The following AGAP5 variants were observed in gnomAD, a reference collection of about 807,000 sequenced individuals.
The protein encoded by AGAP5 is arf-GAP with GTPase, ANK repeat and PH domain-containing protein 5.
In AGAP5, 8 loss-of-function variants were observed where a neutral mutation model predicts 27.7. The observed-to-expected ratio is 0.29, with a 90% CI of 0.17 to 0.52. AGAP5 has a LOEUF of 0.52. Among genes scored for constraint, AGAP5 ranks in the 20% least tolerant of loss-of-function variants. The pLI is 0.97. For synonymous variants in AGAP5, 111 were observed against 338.0 expected, an observed-to-expected ratio of 0.33 and a Z score of 7.37; for missense variants, 285 against 880.8, an observed-to-expected ratio of 0.32 and a Z score of 8.56.
intron 2 of AGAP5, 96 bp from the exon 3 acceptor site, chr10:73,694,900 A>G (rs1212090618): frequency 4.1e-5 from 66 of 1,592,202 alleles, no homozygotes; most frequent in Middle Eastern, 4.5e-4. Flanking sequence ...CTATTTCACT[A>G]TCTCTACTTT....
intron 6 of AGAP5, among the ~76,000 whole-genome samples, chr10:73,679,597 G>GT (rs1313158042): frequency 1.8e-4 from 27 of 150,920 alleles, no homozygotes; most frequent in African/African-American, 5.1e-4. Flanking sequence ...TTGTAGAAAA[G>GT]TTTTTTTTCA....
intron 3 of AGAP5, among the ~76,000 whole-genome samples, chr10:73,693,370 G>A (rs548883031): frequency 6.6e-6 from 1 of 152,236 alleles, no homozygotes; most frequent in South Asian, 2.1e-4. Flanking sequence ...CATCCCCATG[G>A]TAAAAAGCAA....
At chr10:73,689,108 T>C (rs2132453698) in intron 4 of AGAP5, among the ~76,000 whole-genome samples, 1 of 152,344 alleles carries the variant, frequency 6.6e-6, no homozygotes, top group Middle Eastern at 3.4e-3. Context: ...TGCTTCAGCC[T>C]GCCGAGTGCC....
At chr10:73,695,676 T>C (rs1200842805) in intron 2 of AGAP5, among the ~76,000 whole-genome samples, 1 of 152,206 alleles carries the variant, frequency 6.6e-6, no homozygotes, top group Non-Finnish European at 1.5e-5. Flanking sequence ...GTCACACTCA[T>C]AATGAGTCTT....
intron 2 of AGAP5, among the ~76,000 whole-genome samples, chr10:73,696,237 C>T (rs1204985858): frequency 2.6e-5 from 4 of 151,886 alleles, no homozygotes; most frequent in African/African-American, 4.8e-5. Context: ...AGGCTGGTCT[C>T]GAACTCCTGA....
rs199522271 is a variant in AGAP5 at position 73,696,371 on chromosome 10, G to A, written c.292+724C>T. On this transcript the variant is annotated intron_variant, in intron 2 of 7. Coordinates refer to ENST00000374094, the MANE Select transcript of AGAP5 (RefSeq NM_001144000.4). ...AGATGCTATTGTCAGGAGGGGAAGG[G>A]ACAAAGGGGGAGCCACGGCAACAAA... Among the ~76,000 whole-genome samples, 635 of 152,254 alleles carry A rather than the reference G, an allele frequency of 4.2e-3. 15 individuals carry two copies. The East Asian group carries it at 0.048, about 12-fold the overall frequency.
intron 4 of AGAP5, among the ~76,000 whole-genome samples, chr10:73,687,164 G>A (rs934390482): frequency 2.6e-5 from 4 of 152,138 alleles, no homozygotes; most frequent in Non-Finnish European, 5.9e-5. Context: ...ATTTTTCTCA[G>A]CAAACATAAA....
rs1201091622 is a variant in AGAP5, at chr10:73,675,866, T to C, written c.794A>G (p.Glu265Gly). ...TSEKGSHPDKERKAPENHADT... is the reference protein window; with the variant it reads ...TSEKGSHPDKGRKAPENHADT... ...AGCATGATTCTCCGGGGCTTTCCTC[T>C]CTTTGTCTGGGTGACTCCCTTTCTC... Residue 265 changes from glutamate (E) to glycine (G), a missense_variant, in exon 8 of 8, where the codon GAG becomes GGG. Coordinates refer to ENST00000374094, the MANE Select transcript of AGAP5 (RefSeq NM_001144000.4). The C allele has an allele frequency of 6.2e-7, 1 of 1,613,934 alleles. No individual in the cohort carries two copies. The highest frequency in any genetic ancestry group is 1.7e-5 in the Admixed American group (1 of 59,990).
chr10:73,697,901 C>A lies in AGAP5; in HGVS notation c.-146G>T. On this transcript the variant is annotated 5_prime_UTR_variant, in exon 1 of 8. Coordinates refer to ENST00000374094, the MANE Select transcript of AGAP5 (RefSeq NM_001144000.4). ...GCCCACCTCACAGCGCGGCCCCGGGCACCATCCCTGGCCCCGGCCCCGGCC... is the reference window on the plus strand; with the variant it reads ...GCCCACCTCACAGCGCGGCCCCGGGAACCATCCCTGGCCCCGGCCCCGGCC... 1 of 1,535,638 alleles carries A rather than the reference C, an allele frequency of 6.5e-7. No individual in the cohort carries two copies. The highest frequency in any genetic ancestry group is 1.2e-5 in the South Asian group (1 of 84,448).
At chr10:73,686,895 T>C (rs1315862775) in intron 4 of AGAP5, among the ~76,000 whole-genome samples, 1 of 152,182 alleles carries the variant, frequency 6.6e-6, no homozygotes, top group Non-Finnish European at 1.5e-5. Context: ...CCAAATATCA[T>C]GTTCTCTTTC....
intron 4 of AGAP5, among the ~76,000 whole-genome samples, chr10:73,685,480 C>A (rs567008639): frequency 1.3e-3 from 193 of 151,790 alleles, no homozygotes; most frequent in African/African-American, 4.5e-3. Flanking sequence ...TGGTGTATCA[C>A]ATTTATTGAC....
intron 4 of AGAP5, among the ~76,000 whole-genome samples, chr10:73,691,417 T>C (rs1297216675): frequency 6.6e-6 from 1 of 152,076 alleles, no homozygotes; most frequent in East Asian, 1.9e-4. Flanking sequence ...AGAAAGTCAA[T>C]AGACAGTGCT....
Position 73,675,740 on chromosome 10 carries a change from AG to A in AGAP5, c.919del (p.Leu307CysfsTer13), listed in dbSNP as rs1262147401. The A allele has an allele frequency of 6.2e-7, 1 of 1,611,370 alleles. No individual in the cohort carries two copies. The highest frequency in any genetic ancestry group is 8.5e-7 in the Non-Finnish European group (1 of 1,179,140). On this transcript the variant is annotated frameshift_variant, in exon 8 of 8. Coordinates refer to ENST00000374094, the MANE Select transcript of AGAP5 (RefSeq NM_001144000.4). LOFTEE classifies it low-confidence loss of function (END_TRUNC). ...LKTWKKKYVT[L>X]CSNGVLTYYS... is the part of the protein sequence containing the mutation. ...ATAGGTGAGCACGCCATTGGAACAC[AG>A]GGTGACGTATTTCTTTTTCCATGTC...
intron 4 of AGAP5, among the ~76,000 whole-genome samples, chr10:73,687,952 A>C (rs2082079261): frequency 6.6e-6 from 1 of 152,208 alleles, no homozygotes; most frequent in Non-Finnish European, 1.5e-5. Flanking sequence ...TGTCTTGCAG[A>C]ACTAAAGGCA....
At chr10:73,685,754 T>C (rs188180051) in intron 4 of AGAP5, among the ~76,000 whole-genome samples, 4 of 152,120 alleles carry the variant, frequency 2.6e-5, no homozygotes, top group African/African-American at 9.7e-5. Flanking sequence ...GGTTTCACCA[T>C]GTTGGCCTGG....
chr10:73,681,420 G>A (rs1360594058), intron 5 of AGAP5: 1 of 985,328 alleles, frequency 1.0e-6, no homozygotes, highest in East Asian at 1.1e-4. Context: ...TTGCATAAGT[G>A]ATCTCAGCGA....
chr10:73,694,849 T>C (rs746308874), intron 2 of AGAP5, 45 bp from the exon 3 acceptor site: 11 of 1,597,296 alleles, frequency 6.9e-6, no homozygotes, highest in East Asian at 2.2e-5. Context: ...TAATCATTGA[T>C]AAAAATTTAT....
rs1394642540 is a variant in AGAP5 at position 73,678,941 on chromosome 10, C to A, written c.533+1130G>T. ...AGATCTCGGCTCACTGCAACCTCCA[C>A]CTCCCAGGCTCAAGCGATTCTCCTG... On this transcript the variant is annotated intron_variant, in intron 6 of 7. Coordinates refer to ENST00000374094, the MANE Select transcript of AGAP5 (RefSeq NM_001144000.4). Among the ~76,000 whole-genome samples the A allele has an allele frequency of 5.9e-5, 9 of 151,590 alleles. No homozygotes were observed. In the East Asian group the frequency reaches 1.6e-3, roughly 26 times the overall value.
intron 6 of AGAP5, among the ~76,000 whole-genome samples, chr10:73,679,632 T>C (rs2132442610): frequency 6.6e-6 from 1 of 151,882 alleles, no homozygotes; most frequent in Admixed American, 6.6e-5. Flanking sequence ...TTAACAATAC[T>C]GTTCTCAAGG....
Sources: allele counts gnomAD v4.1 joint callset (sites outside exome capture counted in the v4.1 genomes callset), GRCh38; gene constraint gnomAD v4.1.1; transcripts MANE v1.5; gene names NCBI Gene and HGNC (gene_info 2026-07-23, HGNC 2026-07-21).